The following KCNMA1 variants were observed in gnomAD, a reference collection of about 807,000 sequenced individuals.
KCNMA1 encodes the protein Calcium-activated potassium channel subunit alpha-1.
A neutral mutation model predicts 140.0 loss-of-function variants in KCNMA1; 29 were observed. That is an observed-to-expected ratio of 0.21 (90% CI 0.15 to 0.28). KCNMA1 has a LOEUF of 0.28. Among genes scored for constraint, KCNMA1 ranks in the 10% least tolerant of loss-of-function variants. The pLI, the probability that KCNMA1 is intolerant of heterozygous loss-of-function variation, is 1.00. For synonymous variants in KCNMA1, 612 were observed against 611.9 expected (o/e 1.00, Z 0.00); for missense variants, 880 against 1,602.2 (o/e 0.55, Z 7.70).
chr10:77,614,312 G>C (rs2088408280), intron 1 of KCNMA1, among the ~76,000 whole-genome samples: 2 of 152,116 alleles, frequency 1.3e-5, no homozygotes, highest in Admixed American at 1.3e-4. Context: ...CGTGTTTGGT[G>C]CTGGGAATAC....
chr10:77,050,071 C>T (rs149159539), intron 14 of KCNMA1, among the ~76,000 whole-genome samples: 2 of 152,142 alleles, frequency 1.3e-5, no homozygotes, highest in Non-Finnish European at 2.9e-5. Context: ...AGAGGAAGCC[C>T]CGTCCCTCCC....
intron 2 of KCNMA1, among the ~76,000 whole-genome samples, chr10:77,313,047 T>A (rs1172286555): frequency 6.6e-6 from 1 of 152,182 alleles, no homozygotes; most frequent in Admixed American, 6.5e-5. Context: ...TTCTGAGGAC[T>A]TCCTGTTGCC....
At chr10:77,005,312 G>A (rs2088086780) in intron 18 of KCNMA1, among the ~76,000 whole-genome samples, 1 of 152,206 alleles carries the variant, frequency 6.6e-6, no homozygotes, top group Admixed American at 6.5e-5. Context: ...AAGGGTGAGA[G>A]GTCCTAGGAG....
In KCNMA1 at chr10:77,513,496, T is replaced by C. The variant is rs546199728; in HGVS notation, c.379-109473A>G. Among the ~76,000 whole-genome samples, 281 of 152,340 alleles carry C rather than the reference T, an allele frequency of 1.8e-3. 1 individual carries two copies. Among genetic ancestry groups the C allele is most frequent in the Non-Finnish European group, 3.2e-3 (220 of 68,030 alleles). On this transcript the variant is annotated intron_variant, in intron 1 of 27. Coordinates refer to ENST00000286628, the MANE Select transcript of KCNMA1 (RefSeq NM_001161352.2). The stretch of plus-strand genomic sequence containing the variant: ...GCCTTGGAGCTTAGTAAATATGTGT[T>C]GCCTGGATAATGTATGTGAAAGAGC...
chr10:77,215,172 G>A (rs2154180113), intron 3 of KCNMA1, among the ~76,000 whole-genome samples: 1 of 152,118 alleles, frequency 6.6e-6, no homozygotes, highest in Admixed American at 6.5e-5. Flanking sequence ...TGTCATTGAA[G>A]CCAAACACTA....
chr10:77,602,143 G>A (rs1044408311), intron 1 of KCNMA1, among the ~76,000 whole-genome samples: 1 of 152,198 alleles, frequency 6.6e-6, no homozygotes, highest in African/African-American at 2.4e-5. Flanking sequence ...AAATCTGGGG[G>A]CAGGCTTCCC....
At chr10:76,942,973 C>T (rs1055673663) in intron 23 of KCNMA1, among the ~76,000 whole-genome samples, 6 of 152,194 alleles carry the variant, frequency 3.9e-5, no homozygotes, top group African/African-American at 1.4e-4. Context: ...TGTTGGAATG[C>T]AGATTCTGAC....
intron 1 of KCNMA1, among the ~76,000 whole-genome samples, chr10:77,600,018 C>T (rs1398635874): frequency 6.6e-6 from 1 of 152,214 alleles, no homozygotes; most frequent in Non-Finnish European, 1.5e-5. Context: ...CAACCATCTC[C>T]ATGTCACAAG....
At chr10:77,186,260 C>T (rs907318132) in intron 3 of KCNMA1, among the ~76,000 whole-genome samples, 1 of 151,952 alleles carries the variant, frequency 6.6e-6, no homozygotes, top group Non-Finnish European at 1.5e-5. Flanking sequence ...ATATCATCTC[C>T]CAAATCACGT....
At chr10:77,122,632 T>C (rs1274694183) in intron 5 of KCNMA1, among the ~76,000 whole-genome samples, 1 of 151,974 alleles carries the variant, frequency 6.6e-6, no homozygotes, top group Non-Finnish European at 1.5e-5. Flanking sequence ...ATAAAATGTG[T>C]TGGCCAAAGG....
intron 23 of KCNMA1, among the ~76,000 whole-genome samples, chr10:76,940,767 C>G (rs1414137433): frequency 6.6e-6 from 1 of 151,768 alleles, no homozygotes; most frequent in Non-Finnish European, 1.5e-5. Flanking sequence ...TTGAGACCAG[C>G]CTGGCCAACA....
chr10:76,891,329 G>A (rs2039975249), intron 26 of KCNMA1, 196 bp downstream of exon 26: 1 of 614,942 alleles, frequency 1.6e-6, no homozygotes. Flanking sequence ...TTGCTATGAA[G>A]ATTAAAATGA....
chr10:77,442,798 A>G (rs2097435984), intron 1 of KCNMA1, among the ~76,000 whole-genome samples: 1 of 152,134 alleles, frequency 6.6e-6, no homozygotes, highest in African/African-American at 2.4e-5. Context: ...CTTCACACCC[A>G]AGAGGAATGA....
At chr10:77,377,147 C>T (rs1371215763) in intron 2 of KCNMA1, among the ~76,000 whole-genome samples, 3 of 152,152 alleles carry the variant, frequency 2.0e-5, no homozygotes, top group Admixed American at 1.3e-4. Flanking sequence ...AAGGGATCTA[C>T]GCAGGTCTGT....
intron 1 of KCNMA1, among the ~76,000 whole-genome samples, chr10:77,626,291 T>C (rs1032969344): frequency 1.3e-5 from 2 of 152,064 alleles, no homozygotes; most frequent in Admixed American, 1.3e-4. Context: ...TCCTATACTC[T>C]TCAAGAATCT....
At chr10:77,034,540 T>G (rs1393530208) in intron 15 of KCNMA1, among the ~76,000 whole-genome samples, 2 of 152,200 alleles carry the variant, frequency 1.3e-5, no homozygotes, top group Non-Finnish European at 2.9e-5. Flanking sequence ...TAACACAGGT[T>G]GAGAGCATGA....
chr10:77,387,044 G>A (rs542737733), intron 2 of KCNMA1, among the ~76,000 whole-genome samples: 1 of 152,324 alleles, frequency 6.6e-6, no homozygotes, highest in African/African-American at 2.4e-5. Context: ...GGAGTGGGCT[G>A]AGGGGAAGGC....
In KCNMA1 at chr10:77,637,551, G is replaced by T. The variant is rs201551432; in HGVS notation, c.92C>A (p.Ala31Glu). The T allele has an allele frequency of 1.3e-6, 2 of 1,543,466 alleles. No individual in the cohort carries two copies. The highest frequency in any genetic ancestry group is 1.4e-5 in the African/African-American group (1 of 73,094). The change falls in exon 1 of 28, where the codon GCG becomes GAG. Residue 31 changes from alanine (A) to glutamate (E), a missense_variant. Ala to Glu is a moderately radical substitution (Grantham distance 107). Coordinates refer to ENST00000286628, the MANE Select transcript of KCNMA1 (RefSeq NM_001161352.2). ...SSLRMSSNIH[A>E]NHLSLDASSS... is the part of the protein sequence containing the mutation. ...GGACGCGTCTAGGCTGAGATGGTTC[G>T]CGTGGATATTGCTACTCATTCTAAG...
chr10:77,384,801 CT>C (rs542076156), intron 2 of KCNMA1, among the ~76,000 whole-genome samples: 83 of 152,358 alleles, frequency 5.4e-4, no homozygotes, highest in Middle Eastern at 3.4e-3. Context: ...GGTTTGCTCT[CT>C]TTCTGGAGCC....
Sources: gnomAD v4.1 joint callset for allele counts (sites outside exome capture counted in the v4.1 genomes callset) on GRCh38, gnomAD v4.1.1 for gene constraint, MANE v1.5 for transcripts, NCBI Gene and HGNC (gene_info 2026-07-23, HGNC 2026-07-21) for gene names.